KIAA1328: variants seen among roughly 807,000 people sequenced by gnomAD.
KIAA1328 encodes KIAA1328, also known as protein hinderin.
KIAA1328 carries 52 observed loss-of-function variants against 68.1 expected under a neutral mutation model. That is an observed-to-expected ratio of 0.76 (90% CI 0.61 to 0.96). The LOEUF is 0.96. Among genes scored for constraint, KIAA1328 ranks in the 40% least tolerant of loss-of-function variants. The pLI, the probability that KIAA1328 is intolerant of heterozygous loss-of-function variation, is 0.00. For missense variants in KIAA1328, 641 were observed against 677.6 expected (o/e 0.95, Z 0.60); for synonymous variants, 232 against 239.4 (o/e 0.97, Z 0.28).
intron 4 of KIAA1328, among the ~76,000 whole-genome samples, chr18:36,866,347 A>G (rs952329403): frequency 5.3e-5 from 8 of 151,930 alleles, no homozygotes; most frequent in African/African-American, 1.9e-4. Context: ...CTTGAGCCCC[A>G]ACATCCCACC....
At chr18:37,123,963 T>C (rs558744718) in intron 7 of KIAA1328, among the ~76,000 whole-genome samples, 92 of 152,262 alleles carry the variant, frequency 6.0e-4, no homozygotes, top group African/African-American at 2.2e-3. Context: ...GAAAACCATA[T>C]AGGTGCCAGG....
At chr18:37,089,657 G>A (rs1368077976) in intron 7 of KIAA1328, among the ~76,000 whole-genome samples, 1 of 152,120 alleles carries the variant, frequency 6.6e-6, no homozygotes, top group Non-Finnish European at 1.5e-5. Flanking sequence ...TTACAGGCGT[G>A]AATCACTGAG....
chr18:36,995,523 G>A (rs2053356866), intron 6 of KIAA1328, among the ~76,000 whole-genome samples: 1 of 151,906 alleles, frequency 6.6e-6, no homozygotes, highest in Admixed American at 6.6e-5. Context: ...ATTCCTTTCT[G>A]CCATTCCTTT....
intron 9 of KIAA1328, among the ~76,000 whole-genome samples, chr18:37,204,886 C>CT (rs2060188377): frequency 6.6e-6 from 1 of 151,972 alleles, no homozygotes; most frequent in East Asian, 1.9e-4. Context: ...GAGCATAGAG[C>CT]TTTTTTTAAA....
At chr18:37,108,214 T>C (rs1300172264) in intron 7 of KIAA1328, among the ~76,000 whole-genome samples, 1 of 152,202 alleles carries the variant, frequency 6.6e-6, no homozygotes, top group African/African-American at 2.4e-5. Flanking sequence ...TCATGTCCTT[T>C]GCAGCAACAT....
chr18:37,065,817 G>A (rs1017809619), intron 6 of KIAA1328, among the ~76,000 whole-genome samples: 3 of 152,136 alleles, frequency 2.0e-5, no homozygotes, highest in Non-Finnish European at 4.4e-5. Context: ...GGACAACGTG[G>A]AATCTAGATA....
intron 4 of KIAA1328, among the ~76,000 whole-genome samples, chr18:36,876,616 A>G (rs1347609769): frequency 6.6e-6 from 1 of 152,030 alleles, no homozygotes; most frequent in Non-Finnish European, 1.5e-5. Context: ...TAATCTTTTC[A>G]AAAAACCAGC....
intron 6 of KIAA1328, among the ~76,000 whole-genome samples, chr18:37,057,491 G>A (rs2055961087): frequency 6.7e-6 from 1 of 149,962 alleles, no homozygotes; most frequent in African/African-American, 2.5e-5. Flanking sequence ...GCGGTGGCGC[G>A]ATCTCGGCTC....
At chr18:37,047,650 A>G (rs2055528173) in intron 6 of KIAA1328, among the ~76,000 whole-genome samples, 1 of 152,188 alleles carries the variant, frequency 6.6e-6, no homozygotes, top group Non-Finnish European at 1.5e-5. Flanking sequence ...TTTCGCATAA[A>G]TGTCAACTCT....
chr18:36,997,150 T>C (rs1202761087), intron 6 of KIAA1328, among the ~76,000 whole-genome samples: 1 of 152,194 alleles, frequency 6.6e-6, no homozygotes, highest in East Asian at 1.9e-4. Flanking sequence ...TAGTAGACAG[T>C]CCTTCAGGAA....
At chr18:37,220,438 A>G (rs1417322795) in intron 9 of KIAA1328, among the ~76,000 whole-genome samples, 2 of 152,330 alleles carry the variant, frequency 1.3e-5, no homozygotes, top group African/African-American at 4.8e-5. Flanking sequence ...GTTTTTTCCT[A>G]TCAAATGCAA....
chr18:36,840,128 C>G (rs2046810095), intron 3 of KIAA1328, among the ~76,000 whole-genome samples: 1 of 152,196 alleles, frequency 6.6e-6, no homozygotes, highest in East Asian at 1.9e-4. Context: ...TGGGCTCTGT[C>G]TGGATTTACC....
intron 9 of KIAA1328, among the ~76,000 whole-genome samples, chr18:37,202,154 A>G (rs1304709872): frequency 6.6e-6 from 1 of 152,178 alleles, no homozygotes; most frequent in African/African-American, 2.4e-5. Flanking sequence ...TTTTTAACAA[A>G]AGCATACTTT....
At chr18:37,038,443 TATTA>T (rs1451368062) in intron 6 of KIAA1328, among the ~76,000 whole-genome samples, 1 of 152,166 alleles carries the variant, frequency 6.6e-6, no homozygotes, top group Non-Finnish European at 1.5e-5. Flanking sequence ...AATGTAATTT[TATTA>T]ATTTTATTTT....
chr18:37,147,781 T>G (rs1309520961), intron 7 of KIAA1328, among the ~76,000 whole-genome samples: 1 of 152,206 alleles, frequency 6.6e-6, no homozygotes, highest in African/African-American at 2.4e-5. Flanking sequence ...TTTCTCGTAG[T>G]ATTGCCCAAT....
At chr18:36,923,278 A>G (rs2049994829) in intron 5 of KIAA1328, among the ~76,000 whole-genome samples, 1 of 152,148 alleles carries the variant, frequency 6.6e-6, no homozygotes, top group Non-Finnish European at 1.5e-5. Flanking sequence ...AACAAATGAA[A>G]CCAGAAGTTT....
intron 5 of KIAA1328, among the ~76,000 whole-genome samples, chr18:36,917,052 A>C (rs2049732765): frequency 6.6e-6 from 1 of 152,226 alleles, no homozygotes; most frequent in South Asian, 2.1e-4. Context: ...TGGGTTAAAA[A>C]TAATGAGAAT....
intron 4 of KIAA1328, among the ~76,000 whole-genome samples, chr18:36,870,742 T>C (rs1443859079): frequency 6.6e-6 from 1 of 152,224 alleles, no homozygotes; most frequent in African/African-American, 2.4e-5. Flanking sequence ...TTCACTAATA[T>C]CACTTTTTTC....
intron 5 of KIAA1328, among the ~76,000 whole-genome samples, chr18:36,954,043 C>T (rs536272162): frequency 9.5e-5 from 13 of 137,484 alleles, no homozygotes; most frequent in African/African-American, 2.8e-4. Flanking sequence ...TCGCCCAGGC[C>T]GGACTGCGGA....
Sources: allele counts gnomAD v4.1 joint callset (sites outside exome capture counted in the v4.1 genomes callset), GRCh38; gene constraint gnomAD v4.1.1; transcripts MANE v1.5; gene names NCBI Gene and HGNC (gene_info 2026-07-23, HGNC 2026-07-21).